The following KIF26B variants were observed in gnomAD, a reference collection of about 807,000 sequenced individuals.
KIF26B encodes the protein kinesin-like protein KIF26B.
In KIF26B, 63 loss-of-function variants were observed where a neutral mutation model predicts 151.2. The observed-to-expected ratio is 0.42, with a 90% confidence interval of 0.34 to 0.51. The LOEUF is 0.51. Among genes scored for constraint, KIF26B ranks in the 20% least tolerant of loss-of-function variants. The pLI is 0.07. For synonymous variants in KIF26B, 1,357 were observed against 1,262.1 expected (o/e 1.08, Z -1.59); for missense variants, 2,813 against 2,913.6 (o/e 0.97, Z 0.79).
In KIF26B at chr1:245,679,457, GTTTTTTTTTTTTT is replaced by G. The variant is rs35663208; in HGVS notation, c.2259-4759_2259-4747del. On this transcript the variant is annotated intron_variant, in intron 10 of 14. Transcript: ENST00000407071. ...GGTTTTTTGTGTTTTTTTTGTGTGT[GTTTTTTTTTTTTT>G]TTTTTTTTTTTTTTTTGACACAAGG... Among the ~76,000 whole-genome samples, 31 of 59,210 alleles carry G rather than the reference GTTTTTTTTTTTTT, an allele frequency of 5.2e-4. No individual in the cohort carries two copies. In the South Asian group the frequency reaches 0.018, roughly 35 times the overall value. The allele number at this position is 59,210 out of a possible 152,430, so 38.8% of individuals were successfully genotyped here. A position where few individuals can be genotyped will look rare whatever the true frequency, so the allele number is the denominator to read the frequency against.
At chr1:245,162,866 C>T (rs1441786242) in intron 2 of KIF26B, among the ~76,000 whole-genome samples, 2 of 152,174 alleles carry the variant, frequency 1.3e-5, no homozygotes, top group East Asian at 1.9e-4. Context: ...GTTTGTCCAC[C>T]TCCAGGTCTC....
At chr1:245,176,841 G>A (rs895412015) in intron 2 of KIF26B, among the ~76,000 whole-genome samples, 1 of 152,196 alleles carries the variant, frequency 6.6e-6, no homozygotes, top group African/African-American at 2.4e-5. Flanking sequence ...TCAGCCTCTG[G>A]TACTTTTGTG....
intron 2 of KIF26B, among the ~76,000 whole-genome samples, chr1:245,308,150 C>G (rs968992119): frequency 6.6e-6 from 1 of 152,140 alleles, no homozygotes; most frequent in Admixed American, 6.6e-5. Flanking sequence ...TTAAACCGGC[C>G]TCTGGGTTAG....
chr1:245,684,408 C>A lies in KIF26B; in HGVS notation c.2421+13C>A, dbSNP rs376290056. 6.5e-7 allele frequency: 1 copy of A among 1,542,902 alleles called. No homozygotes were observed. The highest frequency in any genetic ancestry group is 2.4e-5 in the East Asian group (1 of 42,486). On this transcript the variant is annotated intron_variant, in intron 11 of 14. Transcript: ENST00000407071. Reference sequence around the variant, plus strand: ...AAAGAAGACGAAGGTAAGGAGCTCGCGGGGTGGGGGGGTGGTGGATGAGGG... The same window carrying A: ...AAAGAAGACGAAGGTAAGGAGCTCGAGGGGTGGGGGGGTGGTGGATGAGGG...
At chr1:245,614,719 A>G (rs1244852160) in intron 9 of KIF26B, 5 of 152,322 alleles carry the variant, frequency 3.3e-5, no homozygotes, top group African/African-American at 7.2e-5. Flanking sequence ...TCGACAGCCC[A>G]TGATGGTGAG....
At chr1:245,277,230 G>C (rs1172714623) in intron 2 of KIF26B, among the ~76,000 whole-genome samples, 6 of 152,202 alleles carry the variant, frequency 3.9e-5, no homozygotes, top group African/African-American at 1.4e-4. Flanking sequence ...CAGCAGGCTT[G>C]TGGTAATTTG....
intron 5 of KIF26B, among the ~76,000 whole-genome samples, chr1:245,557,373 C>T (rs1461014925): frequency 5.3e-5 from 8 of 152,184 alleles, no homozygotes; most frequent in South Asian, 2.1e-4. Context: ...CTGCCGTCGT[C>T]GCAGCCGGCA....
At chr1:245,583,033 T>C (rs2153602) in intron 5 of KIF26B, among the ~76,000 whole-genome samples, 55,825 of 151,882 alleles carry the variant, frequency 0.37, 10,394 homozygotes, top group Middle Eastern at 0.44. Flanking sequence ...CACCCCCTAC[T>C]CACCCCCTGA....
At chr1:245,271,295 T>C (rs1016967478) in intron 2 of KIF26B, among the ~76,000 whole-genome samples, 2 of 152,228 alleles carry the variant, frequency 1.3e-5, no homozygotes, top group African/African-American at 4.8e-5. Context: ...CTTCAAAAAA[T>C]GCCATTGGGA....
chr1:245,323,118 T>C (rs74153529), intron 2 of KIF26B, among the ~76,000 whole-genome samples: 8,457 of 152,330 alleles, frequency 0.056, 257 homozygotes, highest in African/African-American at 0.079. Context: ...ATTTATGTTA[T>C]ATAGCTTGTA....
rs1469137088 is a variant in KIF26B at position 245,184,047 on chromosome 1, G to GTTTTTTTTTTTTTTTTTTTTTTTTTTTT, written c.465+27366_465+27367insTTTTTTTTTTTTTTTTTTTTTTTTTTTT. On this transcript the variant is annotated intron_variant, in intron 2 of 14. Transcript: ENST00000407071. ...CCTGCAACAGGTATGGGTGGGAGTT[G>GTTTTTTTTTTTTTTTTTTTTTTTTTTTT]TTGTTTTTTTTTTTTTTTTTTTGAG... 7.9e-3 allele frequency among the ~76,000 whole-genome samples: 73 copies of GTTTTTTTTTTTTTTTTTTTTTTTTTTTT among 9,242 alleles called. 5 individuals are homozygous for GTTTTTTTTTTTTTTTTTTTTTTTTTTTT. The highest frequency in any genetic ancestry group is 0.062 in the Middle Eastern group (1 of 16). The allele number at this position is 9,242 out of a possible 152,430, so 6.1% of individuals were successfully genotyped here.
intron 10 of KIF26B, among the ~76,000 whole-genome samples, chr1:245,658,002 G>A (rs188955012): frequency 1.3e-5 from 2 of 152,190 alleles, no homozygotes; most frequent in East Asian, 1.9e-4. Flanking sequence ...CTGTTCCAGC[G>A]GTGACCACAG....
intron 2 of KIF26B, among the ~76,000 whole-genome samples, chr1:245,186,425 C>G (rs1266848409): frequency 6.6e-6 from 1 of 152,154 alleles, no homozygotes; most frequent in Non-Finnish European, 1.5e-5. Flanking sequence ...GCAGCTAAAC[C>G]AGCTAAACAG....
intron 2 of KIF26B, among the ~76,000 whole-genome samples, chr1:245,235,443 A>G (rs1367783456): frequency 6.6e-6 from 1 of 151,956 alleles, no homozygotes; most frequent in African/African-American, 2.4e-5. Flanking sequence ...AAAAAGAAAA[A>G]TTAGCCAGGC....
At chr1:245,649,922 T>C (rs2043996601) in intron 10 of KIF26B, among the ~76,000 whole-genome samples, 1 of 152,248 alleles carries the variant, frequency 6.6e-6, no homozygotes, top group African/African-American at 2.4e-5. Context: ...GCACCCTCCA[T>C]GTGCGCTGAA....
intron 4 of KIF26B, among the ~76,000 whole-genome samples, chr1:245,465,523 G>A (rs1464161702): frequency 6.6e-6 from 1 of 152,192 alleles, no homozygotes; most frequent in Non-Finnish European, 1.5e-5. Context: ...CACGGAGAAA[G>A]TATCTTTCCG....
intron 10 of KIF26B, among the ~76,000 whole-genome samples, chr1:245,652,678 G>A (rs554863846): frequency 2.6e-5 from 4 of 152,242 alleles, no homozygotes; most frequent in Non-Finnish European, 5.9e-5. Context: ...CACAAACACT[G>A]GGTTCAAGCT....
intron 2 of KIF26B, among the ~76,000 whole-genome samples, chr1:245,184,050 G>GTTTGTTTTTTTTTT (rs1668954964): frequency 5.0e-5 from 1 of 19,804 alleles, no homozygotes; most frequent in African/African-American, 1.5e-4. Flanking sequence ...GGGAGTTGTT[G>GTTTGTTTTTTTTTT]TTTTTTTTTT....
intron 4 of KIF26B, among the ~76,000 whole-genome samples, chr1:245,531,474 G>A (rs1448414952): frequency 6.6e-6 from 1 of 152,006 alleles, no homozygotes; most frequent in Non-Finnish European, 1.5e-5. Flanking sequence ...GGCCTCCCAG[G>A]GCCAGGTTAA....
Sources: gnomAD v4.1 joint callset for allele counts (sites outside exome capture counted in the v4.1 genomes callset) on GRCh38, gnomAD v4.1.1 for gene constraint, MANE v1.5 for transcripts, NCBI Gene and HGNC (gene_info 2026-07-23, HGNC 2026-07-21) for gene names.